Variants in CCDC51 observed in about 807,000 individuals in gnomAD.
CCDC51 encodes the protein coiled-coil domain containing 51.
CCDC51 carries 25 observed loss-of-function variants against 24.8 expected under a neutral mutation model. The ratio of observed to expected loss-of-function variants is 1.01; its 90% CI spans 0.73 to 1.41. CCDC51 has a LOEUF of 1.41. Ranked by LOEUF, CCDC51 falls within the 40% of genes most tolerant of loss-of-function variation. The probability of loss-of-function intolerance (pLI) is 0.00; values close to 1 mark genes in which losing one functional copy is unlikely to be tolerated. For synonymous variants in CCDC51, 190 were observed against 204.3 expected (o/e 0.93, Z 0.60); for missense variants, 466 against 519.1 (o/e 0.90, Z 0.99).
Position 48,435,774 on chromosome 3 carries a change from C to CA in CCDC51, c.-8-639dup, listed in dbSNP as rs371586479. The stretch of plus-strand genomic sequence containing the variant: ...CTCTCCTCTAAGATAATTCCAGGGG[C>CA]AAAAAAAAACAAAACAAAACTGTTT... On this transcript the variant is annotated intron_variant, in intron 1 of 3. Transcript: ENST00000395694. This position sits in a 1 kb window ranked among gnomAD's most constrained non-coding sequence, Gnocchi z 4.2. Among the ~76,000 whole-genome samples the CA allele has an allele frequency of 8.0e-3, 1,180 of 148,130 alleles. 4 individuals carry two copies. The highest frequency in any genetic ancestry group is 0.011 in the African/African-American group (445 of 40,302).
chr3:48,446,526 A>C, the CCDC51 span: 1 of 231,946 alleles, frequency 4.3e-6, no homozygotes, highest in Non-Finnish European at 8.3e-6. Flanking sequence ...AGGGAGCGCA[A>C]AGCCACCAGC....
chr3:48,442,272 A>G (rs2362441), upstream of CCDC51, among the ~76,000 whole-genome samples: 1 of 113,242 alleles, frequency 8.8e-6, no homozygotes, highest in African/African-American at 3.2e-5. Context: ...AAAAAAAAAA[A>G]AAAAAAAGGT....
At position 48,435,392 on chromosome 3, in the gene CCDC51, T is replaced by C. The variant is rs956231981; in HGVS notation, c.-8-256A>G. ...CCATACCTTCCAGTGCCCGCCACCA[T>C]GCCACACAAAGCGGACCCTTCCCTG... is the stretch of plus-strand genomic sequence containing the variant. On this transcript the variant is annotated intron_variant, in intron 1 of 3. Transcript: ENST00000395694. This position sits in a 1 kb window ranked among gnomAD's most constrained non-coding sequence, Gnocchi z 4.2. Among the ~76,000 whole-genome samples the C allele has an allele frequency of 2.6e-5, 4 of 152,146 alleles. No homozygotes were observed. The East Asian group carries it at 7.7e-4, about 29-fold the overall frequency.
In CCDC51 at chr3:48,432,528, T is replaced by G; in HGVS notation, c.1116A>C (p.Ser372=). 6.2e-7 allele frequency: 1 copy of G among 1,614,220 alleles called. No individual in the cohort carries two copies. Among genetic ancestry groups the G allele is most frequent in the Admixed American group, 1.7e-5 (1 of 60,036 alleles). The change falls in exon 4 of 4, where the codon TCA becomes TCC. Residue 372 remains serine (S), a synonymous_variant. Coordinates refer to ENST00000395694, the MANE Select transcript of CCDC51 (RefSeq NM_001256964.2). ...GGGCTTCTAGTCTCTGCTCCGTGTC[T>G]GACAGTGCCAAGATCATGCTCCCCT... is the stretch of plus-strand genomic sequence containing the variant. ...LEQGSMILAL[S]DTEQRLEAQV...
chr3:48,444,428 A>C (rs1328388197), upstream of CCDC51, among the ~76,000 whole-genome samples: 4 of 152,132 alleles, frequency 2.6e-5, no homozygotes, highest in Non-Finnish European at 5.9e-5. Flanking sequence ...ACCCGCCACC[A>C]TGCCTAGCTA....
chr3:48,432,423 T>C lies in CCDC51; in HGVS notation c.1221A>G (p.Leu407=), dbSNP rs1575421237. Reference sequence around the variant, plus strand: ...GGGCCAGGGGTTAGCTGGCTTTGAATAGCATGTAGAGCACAGGCAGTGTGG... The same window carrying C: ...GGGCCAGGGGTTAGCTGGCTTTGAACAGCATGTAGAGCACAGGCAGTGTGG... ...FVATLPVLYM[L]FKAS is the part of the protein sequence containing the mutation. Residue 407 remains leucine (L), a synonymous_variant, in exon 4 of 4, where the codon CTA becomes CTG. Transcript: ENST00000395694. The C allele has an allele frequency of 1.2e-6, 2 of 1,614,186 alleles. No individual in the cohort carries two copies. The highest frequency in any genetic ancestry group is 1.7e-6 in the Non-Finnish European group (2 of 1,180,008).
At chr3:48,436,966 C>A (rs1412363048) in intron 1 of CCDC51, among the ~76,000 whole-genome samples, 1 of 152,226 alleles carries the variant, frequency 6.6e-6, no homozygotes, top group African/African-American at 2.4e-5. Flanking sequence ...CCAACAGCTC[C>A]CATTTCACCT....
In CCDC51 at chr3:48,434,729, T is replaced by G. The variant is rs934748874; in HGVS notation, c.312+88A>C. 3.4e-5 allele frequency: 41 copies of G among 1,222,610 alleles called. No individual in the cohort carries two copies. In the African/African-American group the frequency reaches 6.2e-4, roughly 18 times the overall value. 75.7% of individuals were successfully genotyped at this position (1,222,610 alleles called of 1,614,324 possible). The stretch of plus-strand genomic sequence containing the variant: ...TGAGAAATGAGGCTAAACACAAGTC[T>G]GGATGTGGCTACCCAGCACCACGTG... On this transcript the variant is annotated intron_variant, in intron 2 of 3. Transcript: ENST00000395694.
chr3:48,435,473 T>G lies in CCDC51; in HGVS notation c.-8-337A>C, dbSNP rs542498133. Among the ~76,000 whole-genome samples, 1 of 152,374 alleles carries G rather than the reference T, an allele frequency of 6.6e-6. No homozygotes were observed. Among genetic ancestry groups the G allele is most frequent in the South Asian group, 2.1e-4 (1 of 4,832 alleles). On this transcript the variant is annotated intron_variant, in intron 1 of 3. Coordinates refer to ENST00000395694, the MANE Select transcript of CCDC51 (RefSeq NM_001256964.2). The surrounding 1 kb of genome is among the most constrained non-coding windows in gnomAD (Gnocchi z 4.2). Reference sequence around the variant, plus strand: ...TCTGCTGTGACTTGAATGAGAATCCTGGTGCCCAGGTTTCTGATGTCAAAG... The same window carrying G: ...TCTGCTGTGACTTGAATGAGAATCCGGGTGCCCAGGTTTCTGATGTCAAAG...
At position 48,433,131 on chromosome 3, in the gene CCDC51, T is replaced by C. The variant is rs1407091277; in HGVS notation, c.513A>G (p.Ala171=). ...AGAACTTCTCTCGCTCAGAGTCTTC[T>C]GCACGCAGATAGGCTGTGCGAAGCC... is the stretch of plus-strand genomic sequence containing the variant. ...EKRLRTAYLR[A]EDSEREKFSL... is the part of the protein sequence containing the mutation. The change falls in exon 4 of 4, where the codon GCA becomes GCG. Residue 171 remains alanine, a synonymous_variant. Coordinates refer to ENST00000395694, the MANE Select transcript of CCDC51 (RefSeq NM_001256964.2). The surrounding 1 kb of genome is among the most constrained non-coding windows in gnomAD (Gnocchi z 4.4). 1.2e-6 allele frequency: 2 copies of C among 1,613,702 alleles called. No individual in the cohort carries two copies. The highest frequency in any genetic ancestry group is 1.7e-6 in the Non-Finnish European group (2 of 1,179,944).
At chr3:48,440,507 A>G (rs1391790479), upstream of CCDC51, 5 of 1,605,606 alleles carry the variant, frequency 3.1e-6, no homozygotes, top group East Asian at 2.2e-5. Flanking sequence ...GCTGGGAGAC[A>G]GGCCTGAGTT....
Position 48,433,777 on chromosome 3 carries a change from C to A in CCDC51, c.407G>T (p.Arg136Leu), listed in dbSNP as rs748877989. The change falls in exon 3 of 4, where the codon CGC (arginine) becomes CTC (leucine). Residue 136 changes from arginine (R) to leucine (L), a missense_variant. By Grantham distance (102) the Arg-to-Leu change is moderately radical. Coordinates refer to ENST00000395694, the MANE Select transcript of CCDC51 (RefSeq NM_001256964.2). The surrounding 1 kb of genome is among the most constrained non-coding windows in gnomAD (Gnocchi z 4.4). ...GTCCTCCCTGGAGACACGGTCCAAG[C>A]GGTCCCTCACCTCCTTCAGCTTGGC... ...HQAKLKEVRDRLDRVSREDSQ... is the reference protein window; with the variant it reads ...HQAKLKEVRDLLDRVSREDSQ... 1.2e-6 allele frequency: 2 copies of A among 1,614,074 alleles called. No individual in the cohort carries two copies. Among genetic ancestry groups the A allele is most frequent in the Admixed American group, 1.7e-5 (1 of 60,008 alleles).
At chr3:48,439,904 C>T (rs1189530503) in intron 1 of CCDC51, 84 bp downstream of exon 1, 1 of 312,572 alleles carries the variant, frequency 3.2e-6, no homozygotes. Flanking sequence ...GCCTAATCTC[C>T]CTCCACCCAA....
At position 48,433,743 on chromosome 3, in the gene CCDC51, G is replaced by A. The variant is rs750610503; in HGVS notation, c.441C>T (p.Tyr147=). Residue 147 remains tyrosine (Y), a synonymous_variant, in exon 3 of 4, where the codon TAC becomes TAT. Coordinates refer to ENST00000395694, the MANE Select transcript of CCDC51 (RefSeq NM_001256964.2). This position sits in a 1 kb window ranked among gnomAD's most constrained non-coding sequence, Gnocchi z 4.4. The part of the protein sequence containing the change: ...LDRVSREDSQ[Y]LELATLEHRM... ...TGTGCTCGAGAGTAGCCAGTTCCAA[G>A]TACTGACTGTCCTCCCTGGAGACAC... is the stretch of plus-strand genomic sequence containing the variant. 2 of 1,614,050 alleles carry A rather than the reference G, an allele frequency of 1.2e-6. No homozygotes were observed. Among genetic ancestry groups the A allele is most frequent in the Non-Finnish European group, 1.7e-6 (2 of 1,179,980 alleles).
intron 1 of CCDC51, among the ~76,000 whole-genome samples, chr3:48,436,876 C>T (rs1461625425): frequency 6.6e-6 from 1 of 152,222 alleles, no homozygotes; most frequent in Non-Finnish European, 1.5e-5. Context: ...CCCTGCCGTC[C>T]CCCACCCCCA....
upstream of CCDC51, among the ~76,000 whole-genome samples, chr3:48,441,355 G>A (rs1255590015): frequency 2.0e-5 from 3 of 147,608 alleles, no homozygotes; most frequent in East Asian, 4.0e-4. Flanking sequence ...GTTTTTTTTT[G>A]TATTTATAGT....
In CCDC51 at chr3:48,440,054, G is replaced by A. The variant is rs1002822262; in HGVS notation, c.-75C>T. ...CGTCCGGTTAAGTACCCCTCCTACG[G>A]TTCCGATTCTACCCTGGCAGGACAA... On this transcript the variant is annotated 5_prime_UTR_variant, in exon 1 of 4. Transcript: ENST00000395694. 6 of 632,412 alleles carry A rather than the reference G, an allele frequency of 9.5e-6. No individual in the cohort carries two copies. The highest frequency in any genetic ancestry group is 1.6e-5 in the Non-Finnish European group (6 of 382,036). The allele number at this position is 632,412 out of a possible 1,614,324, so 39.2% of individuals were successfully genotyped here.
Position 48,433,567 on chromosome 3 carries a change from C to T in CCDC51, c.477+140G>A, listed in dbSNP as rs1234705588. The T allele has an allele frequency of 1.1e-6, 1 of 880,908 alleles. No homozygotes were observed. The highest frequency in any genetic ancestry group is 1.7e-5 in the African/African-American group (1 of 59,612). The allele number at this position is 880,908 out of a possible 1,614,324, so 54.6% of individuals were successfully genotyped here. On this transcript the variant is annotated intron_variant, in intron 3 of 3. Coordinates refer to ENST00000395694, the MANE Select transcript of CCDC51 (RefSeq NM_001256964.2). This position sits in a 1 kb window ranked among gnomAD's most constrained non-coding sequence, Gnocchi z 4.4. The stretch of plus-strand genomic sequence containing the variant: ...AGACTCTGGAAGCTTGGGGTTCTGT[C>T]CATCCATAGGAGCTTCTGGCTCACC...
In CCDC51 at chr3:48,435,015, G is replaced by A; in HGVS notation, c.114C>T (p.Ser38=). 3 of 1,614,206 alleles carry A rather than the reference G, an allele frequency of 1.9e-6. No individual in the cohort carries two copies. Among genetic ancestry groups the A allele is most frequent in the Non-Finnish European group, 2.5e-6 (3 of 1,180,022 alleles). Residue 38 remains serine (S), a synonymous_variant, in exon 2 of 4, where the codon AGC becomes AGT. Coordinates refer to ENST00000395694, the MANE Select transcript of CCDC51 (RefSeq NM_001256964.2). The surrounding 1 kb of genome is among the most constrained non-coding windows in gnomAD (Gnocchi z 4.2). ...RDLFMTRTLC[S]PGPSQPGEKR... is the part of the protein sequence containing the mutation. ...TCTCTCCGGGCTGGCTTGGGCCTGG[G>A]CTGCAGAGAGTCCTGGTCATGAAGA...
Sources: gnomAD v4.1 joint callset for allele counts (sites outside exome capture counted in the v4.1 genomes callset) on GRCh38, gnomAD v4.1.1 for gene constraint, Gnocchi (gnomAD v3.1) non-coding constraint, MANE v1.5 for transcripts, NCBI Gene and HGNC (gene_info 2026-07-23, HGNC 2026-07-21) for gene names.